The following COL5A2 variants were observed in gnomAD, a reference collection of about 807,000 sequenced individuals.
The protein encoded by COL5A2 is collagen alpha-2(V) chain.
A neutral mutation model predicts 208.2 loss-of-function variants in COL5A2; 23 were observed. The ratio of observed to expected loss-of-function variants is 0.11; its 90% CI spans 0.08 to 0.16. COL5A2 has a LOEUF of 0.16. Ranked by LOEUF, COL5A2 falls within the 10% of genes least tolerant of loss-of-function variation. The pLI, the probability that COL5A2 is intolerant of heterozygous loss-of-function variation, is 1.00. For synonymous variants in COL5A2, 625 were observed against 628.5 expected, an observed-to-expected ratio of 0.99 and a Z score of 0.08; for missense variants, 1,590 against 1,956.4, an observed-to-expected ratio of 0.81 and a Z score of 3.53.
At position 189,039,403 on chromosome 2, in the gene COL5A2, T is replaced by C. The variant is rs200325397; in HGVS notation, c.3794A>G (p.Asp1265Gly). Residue 1265 changes from aspartate to glycine, a missense_variant, in exon 51 of 54, where the codon GAC (aspartate) becomes GGC (glycine). Coordinates refer to ENST00000374866, the MANE Select transcript of COL5A2 (RefSeq NM_000393.5). The stretch of plus-strand genomic sequence containing the variant: ...CTTCAGGGTAGCATGAACCCCTGGG[T>C]CCGTTTTGTTTTTGTCATCAGGAGC... ...QAAPDDKNKT[D>G]PGVHATLKSL... The C allele has an allele frequency of 4.9e-5, 79 of 1,613,584 alleles. No homozygotes were observed. The highest frequency in any genetic ancestry group is 3.3e-4 in the Middle Eastern group (2 of 6,070).
chr2:189,305,591 ATTG>A, the COL5A2 span, among the ~76,000 whole-genome samples: 3 of 152,142 alleles, frequency 2.0e-5, no homozygotes, highest in Non-Finnish European at 4.4e-5. Context: ...ATAAATTTCT[ATTG>A]TTTGTAAATA....
At chr2:189,039,182 G>A (rs986792764) in intron 51 of COL5A2, 90 bp downstream of exon 51, 15 of 1,454,468 alleles carry the variant, frequency 1.0e-5, no homozygotes, top group Admixed American at 6.7e-5. Context: ...CTATCACTAA[G>A]TAGAAAGTCA....
At chr2:189,242,809 A>G in the COL5A2 span, among the ~76,000 whole-genome samples, 1 of 152,296 alleles carries the variant, frequency 6.6e-6, no homozygotes, top group East Asian at 1.9e-4. Context: ...GTCTTTGAAA[A>G]GGAACCTGTC....
chr2:189,066,888 C>T (rs559527853), intron 21 of COL5A2, 106 bp from the exon 22 acceptor site: 10 of 865,450 alleles, frequency 1.2e-5, no homozygotes, highest in African/African-American at 1.0e-4. Context: ...CCAGCTGAGT[C>T]GGTTTTGCAT....
At chr2:189,057,097 G>C in intron 34 of COL5A2, 71 bp from the exon 35 acceptor site, 1 of 1,490,650 alleles carries the variant, frequency 6.7e-7, no homozygotes, top group Non-Finnish European at 9.4e-7. Flanking sequence ...TAAGTTTCAT[G>C]AGAGTGAAGG....
rs768099206 is a variant in COL5A2 at position 189,058,563 on chromosome 2, C to T, written c.2131-36G>A. ...ATTGGGATGTCAAATAATCTCAATA[C>T]TTGATCTAAAAATAGGTCAAAATGT... On this transcript the variant is annotated intron_variant, in intron 32 of 53. Transcript: ENST00000374866. 16 of 1,543,186 alleles carry T rather than the reference C, an allele frequency of 1.0e-5. No individual in the cohort carries two copies. The African/African-American group carries it at 2.0e-4, about 20-fold the overall frequency.
chr2:189,045,159 A>T lies in COL5A2; in HGVS notation c.3363+20T>A, dbSNP rs749020156. ...TTATATAAGAAAACATTTTTTAAAA[A>T]ACAAAAAAAGAGAACTTACAGGTAA... On this transcript the variant is annotated intron_variant, in intron 47 of 53. Transcript: ENST00000374866. 2.5e-6 allele frequency: 4 copies of T among 1,582,816 alleles called. No homozygotes were observed. The highest frequency in any genetic ancestry group is 1.4e-5 in the African/African-American group (1 of 73,450).
intron 37 of COL5A2, 142 bp from the exon 38 acceptor site, chr2:189,053,619 G>C: frequency 3.7e-6 from 3 of 820,608 alleles, no homozygotes; most frequent in Admixed American, 2.4e-5. Context: ...GGTCCTTAAG[G>C]ATTATATAAA....
intron 21 of COL5A2, 150 bp from the exon 22 acceptor site, chr2:189,066,932 C>T (rs1686167975): frequency 1.5e-6 from 1 of 654,922 alleles, no homozygotes; most frequent in African/African-American, 1.8e-5. Context: ...TAAATGAATG[C>T]ATGTGAATAT....
the COL5A2 span, chr2:189,311,136 G>C: frequency 1.3e-5 from 8 of 595,564 alleles, 1 homozygote; most frequent in Admixed American, 2.2e-4. Flanking sequence ...AGGCAACCAG[G>C]GGCTGAAGTG....
At chr2:189,422,011 C>T in the COL5A2 span, among the ~76,000 whole-genome samples, 2 of 152,264 alleles carry the variant, frequency 1.3e-5, no homozygotes, top group Middle Eastern at 6.8e-3. Context: ...TGCCCAGAAT[C>T]TCTGGACAGG....
At chr2:189,437,008 A>G in the COL5A2 span, among the ~76,000 whole-genome samples, 1 of 152,068 alleles carries the variant, frequency 6.6e-6, no homozygotes, top group Non-Finnish European at 1.5e-5. Context: ...CTGGAACTTA[A>G]AATAAAAGTT....
chr2:189,088,824 C>A (rs376297522), intron 7 of COL5A2, 52 bp from the exon 8 acceptor site: 8 of 1,369,218 alleles, frequency 5.8e-6, no homozygotes, highest in Non-Finnish European at 8.4e-6. Flanking sequence ...CATACATCAA[C>A]GTCCTTTTCA....
intron 1 of COL5A2, among the ~76,000 whole-genome samples, chr2:189,210,434 A>G (rs1689198643): frequency 3.4e-5 from 1 of 29,028 alleles, no homozygotes; most frequent in South Asian, 1.2e-3. Flanking sequence ...TTGAGCTTGA[A>G]AAAAAAAAAA....
At chr2:189,082,477 T>A (rs185607083) in intron 12 of COL5A2, among the ~76,000 whole-genome samples, 11 of 152,318 alleles carry the variant, frequency 7.2e-5, no homozygotes, top group African/African-American at 1.9e-4. Flanking sequence ...TTACAGAGAT[T>A]TGTCTCCTCT....
chr2:189,350,529 T>C, the COL5A2 span, among the ~76,000 whole-genome samples: 2 of 152,294 alleles, frequency 1.3e-5, no homozygotes, highest in African/African-American at 2.4e-5. Context: ...GCCAATATCA[T>C]TCCAAGGTGT....
chr2:189,059,449 C>A (rs1166831170), intron 31 of COL5A2, among the ~76,000 whole-genome samples: 2 of 151,796 alleles, frequency 1.3e-5, no homozygotes, highest in South Asian at 2.1e-4. Flanking sequence ...TTTGAAATTT[C>A]TTTCTTTGAT....
In COL5A2 at chr2:189,035,019, T is replaced by C; in HGVS notation, c.4250A>G (p.Lys1417Arg). Residue 1417 changes from lysine (K) to arginine (R), a missense_variant, in exon 53 of 54, where the codon AAG becomes AGG. Lys to Arg is a conservative substitution (Grantham distance 26). Transcript: ENST00000374866. ...GAGAACCACAGCTTTTTTGAGGTTCTTAGCTTGATCGTCCATGTATCCTAC... is the reference window on the plus strand; with the variant it reads ...GAGAACCACAGCTTTTTTGAGGTTCCTAGCTTGATCGTCCATGTATCCTAC... ...NSVGYMDDQA[K>R]NLKKAVVLKG... is the part of the protein sequence containing the mutation. 1 of 1,613,964 alleles carries C rather than the reference T, an allele frequency of 6.2e-7. No homozygotes were observed. Among genetic ancestry groups the C allele is most frequent in the Admixed American group, 1.7e-5 (1 of 60,022 alleles).
chr2:189,378,726 CAAA>C, the COL5A2 span, among the ~76,000 whole-genome samples: 5 of 79,530 alleles, frequency 6.3e-5, no homozygotes, highest in Admixed American at 2.8e-4. Flanking sequence ...TCCGTCTCAA[CAAA>C]AAAAAAAAAA....
Sources: allele counts gnomAD v4.1 joint callset (sites outside exome capture counted in the v4.1 genomes callset), GRCh38; gene constraint gnomAD v4.1.1; transcripts MANE v1.5; gene names NCBI Gene and HGNC (gene_info 2026-07-23, HGNC 2026-07-21).